Variants in MYOM2 observed in about 807,000 individuals in gnomAD.
The protein encoded by MYOM2 is myomesin-2.
A neutral mutation model predicts 187.6 loss-of-function variants in MYOM2; 254 were observed. That is an observed-to-expected ratio of 1.35 (90% confidence interval 1.22 to 1.50). The LOEUF (loss-of-function observed/expected upper bound fraction) is 1.50. Ranked by LOEUF, MYOM2 falls within the 40% of genes most tolerant of loss-of-function variation. The probability of loss-of-function intolerance (pLI) is 0.00; values close to 1 mark genes in which losing one functional copy is unlikely to be tolerated. For missense variants in MYOM2, 2,796 were observed against 1,924.0 expected, an observed-to-expected ratio of 1.45 and a Z score of -8.48; for synonymous variants, 981 against 753.8, an observed-to-expected ratio of 1.30 and a Z score of -4.94.
chr8:2,073,043 C>T (rs920571658), intron 9 of MYOM2, among the ~76,000 whole-genome samples: 30 of 152,214 alleles, frequency 2.0e-4, no homozygotes, highest in Non-Finnish European at 8.8e-5. Context: ...AGCAGAGAAG[C>T]AGCGGGCCCC....
Position 2,141,178 on chromosome 8 carries a change from G to T in MYOM2, c.4001+1G>T. Reference sequence around the variant, plus strand: ...CATTTGCAGAATTCCAGCAATTCAAGTAAGATTTGTGTATTTAGTTACTAT... The same window carrying T: ...CATTTGCAGAATTCCAGCAATTCAATTAAGATTTGTGTATTTAGTTACTAT... On this transcript the variant is annotated splice_donor_variant, in intron 34 of 36. Coordinates refer to ENST00000262113, the MANE Select transcript of MYOM2 (RefSeq NM_003970.4). LOFTEE classifies it high-confidence loss of function. The T allele has an allele frequency of 6.2e-7, 1 of 1,612,096 alleles. No individual in the cohort carries two copies. The highest frequency in any genetic ancestry group is 8.5e-7 in the Non-Finnish European group (1 of 1,178,582).
At chr8:2,114,293 T>G (rs1169693767) in intron 25 of MYOM2, among the ~76,000 whole-genome samples, 3 of 152,336 alleles carry the variant, frequency 2.0e-5, no homozygotes, top group African/African-American at 7.2e-5. Flanking sequence ...GGACTGTTCC[T>G]GTGATACAGT....
intron 15 of MYOM2, 47 bp downstream of exon 15, chr8:2,090,238 G>A (rs748386390): frequency 4.0e-5 from 62 of 1,554,222 alleles, no homozygotes; most frequent in Non-Finnish European, 4.2e-5. Flanking sequence ...GACTAAGAGT[G>A]GGGTGACACC....
At chr8:2,084,468 G>C (rs1050881401) in intron 13 of MYOM2, among the ~76,000 whole-genome samples, 20 of 152,276 alleles carry the variant, frequency 1.3e-4, no homozygotes, top group Non-Finnish European at 2.5e-4. Context: ...TTAATCATGT[G>C]CTAATCTAAT....
chr8:2,086,362 C>A lies in MYOM2; in HGVS notation c.1644+972C>A, dbSNP rs1234051910. The stretch of plus-strand genomic sequence containing the variant: ...ACTGTTGTGATCTCTGCGTGGCCTC[C>A]CACTGTTGTGATCTCTGCGTGGCCT... On this transcript the variant is annotated intron_variant, in intron 14 of 36. Transcript: ENST00000262113. 6.7e-3 allele frequency among the ~76,000 whole-genome samples: 397 copies of A among 59,294 alleles called. 36 individuals carry two copies. Among genetic ancestry groups the A allele is most frequent in the Non-Finnish European group, 9.2e-3 (252 of 27,380 alleles). The allele number at this position is 59,294 out of a possible 152,430, so 38.9% of individuals were successfully genotyped here.
intron 14 of MYOM2, among the ~76,000 whole-genome samples, chr8:2,087,778 C>T (rs7007615): frequency 2.6e-5 from 4 of 151,998 alleles, no homozygotes; most frequent in Admixed American, 6.5e-5. Context: ...GCCACCACGC[C>T]CAGCTGATTT....
Position 2,069,581 on chromosome 8 carries a change from C to G in MYOM2, c.793+84C>G, listed in dbSNP as rs576069925. On this transcript the variant is annotated intron_variant, in intron 8 of 36. Coordinates refer to ENST00000262113, the MANE Select transcript of MYOM2 (RefSeq NM_003970.4). ...TTTGAAAACATGGTTTCCTAAGGGC[C>G]AAATCTTTTTTTTTTTTTGAGACGG... 162 of 1,480,180 alleles carry G rather than the reference C, an allele frequency of 1.1e-4. No homozygotes were observed. The South Asian group carries it at 1.5e-3, about 14-fold the overall frequency. 91.7% of individuals were successfully genotyped at this position (1,480,180 alleles called of 1,614,324 possible).
rs538159916 is a variant in MYOM2 at position 2,117,675 on chromosome 8, G to A, written c.3386-210G>A. 3.9e-5 allele frequency among the ~76,000 whole-genome samples: 6 copies of A among 152,128 alleles called. No individual in the cohort carries two copies. The East Asian group carries it at 9.7e-4, about 25-fold the overall frequency. ...TGGAGAATCAGTGTTAACACGTGTC[G>A]ACATCCCAGGCCTGAAAACTATCTC... On this transcript the variant is annotated intron_variant, in intron 27 of 36. Coordinates refer to ENST00000262113, the MANE Select transcript of MYOM2 (RefSeq NM_003970.4).
chr8:2,123,745 A>C, intron 30 of MYOM2, 103 bp downstream of exon 30: 1 of 963,254 alleles, frequency 1.0e-6, no homozygotes, highest in Non-Finnish European at 1.6e-6. Flanking sequence ...GCTATAGCAC[A>C]CATTGTGTCT....
intron 15 of MYOM2, 22 bp downstream of exon 15, chr8:2,090,213 C>T: frequency 9.3e-6 from 15 of 1,604,568 alleles, no homozygotes; most frequent in Non-Finnish European, 1.3e-5. Context: ...CACTGGGTGG[C>T]CCCAAGTCAG....
At chr8:2,138,045 T>C (rs1231933357) in intron 32 of MYOM2, among the ~76,000 whole-genome samples, 1 of 152,190 alleles carries the variant, frequency 6.6e-6, no homozygotes, top group African/African-American at 2.4e-5. Context: ...CTAATTTTCC[T>C]TTTATACACA....
chr8:2,144,015 G>A (rs539046997), intron 36 of MYOM2, among the ~76,000 whole-genome samples: 1 of 152,228 alleles, frequency 6.6e-6, no homozygotes, highest in African/African-American at 2.4e-5. Flanking sequence ...GGTTGCTTCA[G>A]TGGGTCTAAC....
At chr8:2,134,675 C>G (rs1205142886) in intron 32 of MYOM2, among the ~76,000 whole-genome samples, 1 of 152,172 alleles carries the variant, frequency 6.6e-6, no homozygotes, top group Non-Finnish European at 1.5e-5. Flanking sequence ...CGTTTGGACT[C>G]AGGGATGCTG....
At chr8:2,067,893 AT>A (rs1563426022) in intron 6 of MYOM2, among the ~76,000 whole-genome samples, 1 of 152,090 alleles carries the variant, frequency 6.6e-6, no homozygotes, top group African/African-American at 2.4e-5. Context: ...GTAGCCTCTT[AT>A]TAGCATGGGA....
In MYOM2 at chr8:2,092,382, G is replaced by T; in HGVS notation, c.1865G>T (p.Arg622Leu). ...GCTCCGGGTCGGGTTCTTGCTTCCCGAAACACCAAGACGTCGGTGGTGGTG... is the reference window on the plus strand; with the variant it reads ...GCTCCGGGTCGGGTTCTTGCTTCCCTAAACACCAAGACGTCGGTGGTGGTG... Reference protein sequence around the residue: ...PSAPGRVLASRNTKTSVVVQW... With the variant: ...PSAPGRVLASLNTKTSVVVQW... The change falls in exon 16 of 37, where the codon CGA becomes CTA. Residue 622 changes from arginine to leucine, a missense_variant. By Grantham distance (102) the Arg-to-Leu change is moderately radical. Transcript: ENST00000262113. 6.2e-7 allele frequency: 1 copy of T among 1,614,092 alleles called. No individual in the cohort carries two copies. The highest frequency in any genetic ancestry group is 8.5e-7 in the Non-Finnish European group (1 of 1,180,000).
chr8:2,064,738 G>A (rs1585839020), intron 6 of MYOM2, among the ~76,000 whole-genome samples: 2 of 152,190 alleles, frequency 1.3e-5, no homozygotes, highest in Non-Finnish European at 2.9e-5. Context: ...GGCGAGGGGG[G>A]CCGTGGCCTG....
At chr8:2,092,253 G>A in intron 15 of MYOM2, 93 bp from the exon 16 acceptor site, 2 of 1,445,602 alleles carry the variant, frequency 1.4e-6, no homozygotes, top group African/African-American at 2.8e-5. Flanking sequence ...CAGTCTGGCT[G>A]TCCAGTTCCC....
At chr8:2,070,430 C>T (rs537121078) in intron 8 of MYOM2, among the ~76,000 whole-genome samples, 93 of 152,314 alleles carry the variant, frequency 6.1e-4, no homozygotes, top group African/African-American at 2.1e-3. Flanking sequence ...ACATCCAACA[C>T]TCGGTGAGCC....
rs777614031 is a variant in MYOM2, at chr8:2,057,616, G to C, written c.403-7G>C. On this transcript the variant is annotated splice_polypyrimidine_tract_variant and splice_region_variant and intron_variant, in intron 4 of 36. Transcript: ENST00000262113. The stretch of plus-strand genomic sequence containing the variant: ...GGGAACCTGACCATCCTTGCTTCTC[G>C]GGGCAGATGGAGGACAAGCTGGCCT... 20 of 1,613,784 alleles carry C rather than the reference G, an allele frequency of 1.2e-5. 1 individual carries two copies. The Admixed American group carries it at 2.5e-4, about 20-fold the overall frequency.
Sources: gnomAD v4.1 joint callset for allele counts (sites outside exome capture counted in the v4.1 genomes callset) on GRCh38, gnomAD v4.1.1 for gene constraint, MANE v1.5 for transcripts, NCBI Gene and HGNC (gene_info 2026-07-23, HGNC 2026-07-21) for gene names.